The following ANK2 variants were observed in gnomAD, a reference collection of about 807,000 sequenced individuals.
The protein encoded by ANK2 is ankyrin-2.
ANK2 carries 83 observed loss-of-function variants against 360.5 expected under a neutral mutation model. The observed-to-expected ratio is 0.23, with a 90% CI of 0.19 to 0.28. The LOEUF (loss-of-function observed/expected upper bound fraction) is 0.28. Among genes scored for constraint, ANK2 ranks in the 10% least tolerant of loss-of-function variants. The pLI is 1.00. For synonymous variants in ANK2, 1,740 were observed against 1,759.5 expected (o/e 0.99, Z 0.28); for missense variants, 4,201 against 4,795.7 (o/e 0.88, Z 3.66).
At chr4:112,977,682 T>C (rs2041896545) in intron 2 of ANK2, among the ~76,000 whole-genome samples, 1 of 152,080 alleles carries the variant, frequency 6.6e-6, no homozygotes, top group Non-Finnish European at 1.5e-5. Flanking sequence ...TCATCTAGGT[T>C]TTAAGCCCCA....
intron 45 of ANK2, among the ~76,000 whole-genome samples, chr4:113,379,744 G>A (rs4834331): frequency 0.24 from 37,070 of 152,036 alleles, 6,832 homozygotes; most frequent in African/African-American, 0.52. Flanking sequence ...AGGAAAAAGG[G>A]GAGTAGAAGA....
intron 1 of ANK2, among the ~76,000 whole-genome samples, chr4:113,067,222 C>A (rs747365158): frequency 3.3e-5 from 5 of 151,904 alleles, no homozygotes; most frequent in Non-Finnish European, 5.9e-5. Context: ...GCTAGGGAGA[C>A]ATGATATGGA....
rs543993590 is a variant in ANK2, at chr4:113,006,701, A to G, written c.21+102187A>G. On this transcript the variant is annotated intron_variant, in intron 2 of 30. Transcript: ENST00000503271. ...TCACAGATTTATTTGTAACTGGGTT[A>G]ATGTACTTAGAAATATCAATACAAT... Among the ~76,000 whole-genome samples, 42 of 152,346 alleles carry G rather than the reference A, an allele frequency of 2.8e-4. 1 individual carries two copies. In the East Asian group the frequency reaches 3.9e-3, roughly 14 times the overall value.
chr4:113,205,235 CAAAAAAAAAAA>C (rs369993364), intron 4 of ANK2, among the ~76,000 whole-genome samples: 2 of 64,026 alleles, frequency 3.1e-5, no homozygotes, highest in Non-Finnish European at 5.4e-5. Context: ...GACTCCGTCT[CAAAAAAAAAAA>C]AAAAAAAAAA....
At chr4:113,020,510 G>C (rs1221415863) in intron 2 of ANK2, among the ~76,000 whole-genome samples, 1 of 152,056 alleles carries the variant, frequency 6.6e-6, no homozygotes. Flanking sequence ...CAGTCTTAAC[G>C]ATAATTTGTT....
At chr4:113,252,857 T>C (rs886727397) in intron 10 of ANK2, among the ~76,000 whole-genome samples, 2 of 152,236 alleles carry the variant, frequency 1.3e-5, no homozygotes, top group Admixed American at 1.3e-4. Flanking sequence ...CCACACTAAC[T>C]GTGCTCATTT....
intron 37 of ANK2, 117 bp from the exon 38 acceptor site, chr4:113,352,928 C>T (rs980723515): frequency 1.7e-6 from 2 of 1,189,670 alleles, no homozygotes; most frequent in African/African-American, 1.5e-5. Flanking sequence ...CATTTTGTTG[C>T]CCCTCCCACC....
chr4:112,924,656 A>G (rs921094567), intron 2 of ANK2, among the ~76,000 whole-genome samples: 2 of 151,902 alleles, frequency 1.3e-5, no homozygotes, highest in Non-Finnish European at 2.9e-5. Context: ...AAAGTCCACT[A>G]CCAATAATTT....
intron 2 of ANK2, among the ~76,000 whole-genome samples, chr4:112,923,977 A>C (rs947337080): frequency 1.3e-5 from 2 of 152,198 alleles, no homozygotes; most frequent in Non-Finnish European, 2.9e-5. Context: ...TAAAAAATGA[A>C]GAATGATATA....
chr4:113,002,167 C>T (rs540362466), intron 2 of ANK2, among the ~76,000 whole-genome samples: 1 of 152,250 alleles, frequency 6.6e-6, no homozygotes, highest in Admixed American at 6.5e-5. Context: ...AATGCTATCC[C>T]TCTAGAACTA....
the ANK2 span, among the ~76,000 whole-genome samples, chr4:112,767,390 G>A: frequency 3.3e-5 from 5 of 151,862 alleles, no homozygotes. Context: ...GTGAAACCCC[G>A]TCTCTACTAA....
intron 2 of ANK2, among the ~76,000 whole-genome samples, chr4:113,023,744 C>T (rs1194441023): frequency 1.3e-5 from 2 of 152,194 alleles, no homozygotes; most frequent in African/African-American, 2.4e-5. Context: ...TTGTTTTGTT[C>T]ATTGCAACAT....
chr4:113,122,276 T>G (rs977626752), intron 1 of ANK2, among the ~76,000 whole-genome samples: 3 of 152,056 alleles, frequency 2.0e-5, no homozygotes, highest in African/African-American at 7.2e-5. Flanking sequence ...TTTTTGAGCC[T>G]TCTGCTTGGG....
chr4:112,766,394 G>GA, the ANK2 span, among the ~76,000 whole-genome samples: 5 of 151,152 alleles, frequency 3.3e-5, no homozygotes, highest in Admixed American at 6.6e-5. Context: ...TATTTTGCCA[G>GA]AAAAAAAAAT....
intron 43 of ANK2, among the ~76,000 whole-genome samples, chr4:113,372,183 G>T (rs1166899754): frequency 2.0e-5 from 3 of 152,100 alleles, no homozygotes; most frequent in African/African-American, 7.2e-5. Context: ...TTACTGAACT[G>T]CTTAGGGTCT....
intron 1 of ANK2, among the ~76,000 whole-genome samples, chr4:112,845,962 G>A (rs1271644884): frequency 6.6e-6 from 1 of 152,034 alleles, no homozygotes; most frequent in Non-Finnish European, 1.5e-5. Context: ...CCTCTTATTT[G>A]GTTTCTAATT....
intron 1 of ANK2, chr4:112,827,708 C>T: frequency 3.6e-6 from 2 of 558,004 alleles, no homozygotes; most frequent in East Asian, 2.8e-5. Context: ...AACATAATCA[C>T]CAATATGAAA....
At position 113,336,033 on chromosome 4, in the gene ANK2, C is replaced by T. The variant is rs1588489652; in HGVS notation, c.3567C>T (p.Thr1189=). The part of the protein sequence containing the change: ...VQAVFPEGAL[T]KRIRVGLQAQ... ...CCGTCTTCCCAGAGGGGGCACTCAC[C>T]AAGCGGATCCGCGTAGGCCTGCAGG... The change falls in exon 30 of 46, where the codon ACC becomes ACT. Residue 1189 remains threonine (T), a synonymous_variant. Coordinates refer to ENST00000357077, the MANE Select transcript of ANK2 (RefSeq NM_001148.6). 7 of 1,614,026 alleles carry T rather than the reference C, an allele frequency of 4.3e-6. No homozygotes were observed. The highest frequency in any genetic ancestry group is 5.9e-6 in the Non-Finnish European group (7 of 1,179,992).
At position 113,381,760 on chromosome 4, in the gene ANK2, G is replaced by C; in HGVS notation, c.*289G>C. The C allele has an allele frequency of 7.5e-6, 8 of 1,068,624 alleles. No individual in the cohort carries two copies. Among genetic ancestry groups the C allele is most frequent in the Non-Finnish European group, 1.1e-5 (8 of 752,870 alleles). 66.2% of individuals were successfully genotyped at this position (1,068,624 alleles called of 1,614,324 possible). A position where few individuals can be genotyped will look rare whatever the true frequency, so the allele number is the denominator to read the frequency against. On this transcript the variant is annotated 3_prime_UTR_variant, in exon 46 of 46. Coordinates refer to ENST00000357077, the MANE Select transcript of ANK2 (RefSeq NM_001148.6). ...GGATACCCCGACATTTCCACTGTTA[G>C]CAAATATACGGCATTTTGCTTTAGT... is the stretch of plus-strand genomic sequence containing the variant.
Sources: allele counts gnomAD v4.1 joint callset (sites outside exome capture counted in the v4.1 genomes callset), GRCh38; gene constraint gnomAD v4.1.1; transcripts MANE v1.5; gene names NCBI Gene and HGNC (gene_info 2026-07-23, HGNC 2026-07-21).